The following MYO1H variants were observed in gnomAD, a reference collection of about 807,000 sequenced individuals.
MYO1H encodes myosin IH, also known as unconventional myosin-Ih.
Under a neutral mutation model 149.3 loss-of-function variants are expected in MYO1H, and 118 were observed. The ratio of observed to expected loss-of-function variants is 0.79; its 90% CI spans 0.68 to 0.92. The LOEUF (loss-of-function observed/expected upper bound fraction) is 0.92, where lower values mean the gene tolerates loss of function less well. Ranked by LOEUF, MYO1H falls within the 40% of genes least tolerant of loss-of-function variation. The pLI is 0.00. For synonymous variants in MYO1H, 447 were observed against 465.2 expected (o/e 0.96, Z 0.50); for missense variants, 1,212 against 1,280.7 (o/e 0.95, Z 0.82).
chr12:109,338,496 G>A, the MYO1H span, among the ~76,000 whole-genome samples: 1 of 152,146 alleles, frequency 6.6e-6, no homozygotes, highest in African/African-American at 2.4e-5. Context: ...GGCCAGGCAT[G>A]GTGGCTCACA....
At chr12:109,343,151 C>T (rs1314856874), upstream of MYO1H, among the ~76,000 whole-genome samples, 1 of 152,000 alleles carries the variant, frequency 6.6e-6, no homozygotes, top group African/African-American at 2.4e-5. Flanking sequence ...TGTATAAAGT[C>T]GAAAATATGT....
At chr12:109,366,965 C>G (rs1868878477) in intron 1 of MYO1H, among the ~76,000 whole-genome samples, 1 of 152,190 alleles carries the variant, frequency 6.6e-6, no homozygotes, top group African/African-American at 2.4e-5. Flanking sequence ...ATGTGAGATG[C>G]TCAACCAGCA....
intron 6 of MYO1H, among the ~76,000 whole-genome samples, chr12:109,403,613 T>G (rs1870256532): frequency 6.6e-6 from 1 of 152,114 alleles, no homozygotes; most frequent in Non-Finnish European, 1.5e-5. Context: ...GAGTCAGGAG[T>G]TTCTGATTTT....
chr12:109,397,490 T>C (rs1869965325), intron 4 of MYO1H, among the ~76,000 whole-genome samples: 1 of 152,182 alleles, frequency 6.6e-6, no homozygotes, highest in African/African-American at 2.4e-5. Context: ...ATTTCCAATA[T>C]ATTCCTAATT....
Position 109,418,512 on chromosome 12 carries a change from A to G in MYO1H, c.1598-2469A>G, listed in dbSNP as rs529345824. Reference sequence around the variant, plus strand: ...TTATAGATGTCCGCCACCACGCCCAACTAATTTTTGTATTTTTAGTAGAGA... The same window carrying G: ...TTATAGATGTCCGCCACCACGCCCAGCTAATTTTTGTATTTTTAGTAGAGA... On this transcript the variant is annotated intron_variant, in intron 15 of 31. Coordinates refer to ENST00000310903, the Ensembl canonical transcript of MYO1H. 6.4e-4 allele frequency among the ~76,000 whole-genome samples: 97 copies of G among 150,554 alleles called. 3 individuals carry two copies. Among genetic ancestry groups the G allele is most frequent in the Non-Finnish European group, 1.8e-4 (12 of 67,530 alleles).
chr12:109,318,196 TGGA>T, the MYO1H span, among the ~76,000 whole-genome samples: 39 of 152,344 alleles, frequency 2.6e-4, no homozygotes, highest in East Asian at 5.4e-3. Context: ...AATATTTACA[TGGA>T]GGAGAAGTAA....
intron 19 of MYO1H, among the ~76,000 whole-genome samples, chr12:109,432,502 G>A (rs139668443): frequency 6.6e-6 from 1 of 152,296 alleles, no homozygotes; most frequent in Non-Finnish European, 1.5e-5. Flanking sequence ...CATCTGGGTT[G>A]TTTCCACCTT....
intron 19 of MYO1H, among the ~76,000 whole-genome samples, chr12:109,430,068 T>G (rs1439303655): frequency 6.6e-6 from 1 of 152,234 alleles, no homozygotes; most frequent in Non-Finnish European, 1.5e-5. Context: ...CCCTGCCTCC[T>G]AACACCATCA....
chr12:109,427,407 G>C (rs1871394649), intron 18 of MYO1H, 62 bp from the exon 19 acceptor site: 2 of 1,091,458 alleles, frequency 1.8e-6, no homozygotes, highest in Non-Finnish European at 2.8e-6. Context: ...CCTGTGATCT[G>C]CCTTGGTTGA....
intron 1 of MYO1H, among the ~76,000 whole-genome samples, chr12:109,373,343 T>C (rs191587740): frequency 1.7e-4 from 26 of 152,252 alleles, no homozygotes; most frequent in African/African-American, 6.3e-4. Flanking sequence ...TGTATTTTTA[T>C]AATGTTAAAT....
At chr12:109,378,371 A>T (rs2137022051) in intron 1 of MYO1H, among the ~76,000 whole-genome samples, 1 of 151,300 alleles carries the variant, frequency 6.6e-6, no homozygotes, top group African/African-American at 2.4e-5. Context: ...CCCAGGCTGG[A>T]GTCCAGTGGT....
intron 20 of MYO1H, 128 bp downstream of exon 20, chr12:109,433,138 G>C: frequency 1.3e-6 from 1 of 741,670 alleles, no homozygotes; most frequent in South Asian, 1.6e-5. Context: ...CGAGATTTAT[G>C]CTTCATCTAC....
rs551802410 is a variant in MYO1H at position 109,407,966 on chromosome 12, T to C, written c.1155+53T>C. The C allele has an allele frequency of 9.6e-6, 15 of 1,568,708 alleles. No individual in the cohort carries two copies. The East Asian group carries it at 2.5e-4, about 26-fold the overall frequency. ...CTCTTGCTCACGTGGTGATGTTTTA[T>C]AATCATCGTTTCTTTAAAGAATTTG... On this transcript the variant is annotated intron_variant, in intron 10 of 31. Coordinates refer to ENST00000310903, the Ensembl canonical transcript of MYO1H.
At chr12:109,335,450 A>G in the MYO1H span, among the ~76,000 whole-genome samples, 1 of 152,182 alleles carries the variant, frequency 6.6e-6, no homozygotes, top group South Asian at 2.1e-4. Context: ...CCCCACCCCC[A>G]GCATTGGGGA....
chr12:109,440,542 G>C (rs1872073259), intron 24 of MYO1H: 1 of 549,860 alleles, frequency 1.8e-6, no homozygotes, highest in East Asian at 3.1e-5. Flanking sequence ...ACATATTCAA[G>C]TTTGAGAATC....
chr12:109,335,211 C>T, the MYO1H span, among the ~76,000 whole-genome samples: 1 of 152,028 alleles, frequency 6.6e-6, no homozygotes, highest in Non-Finnish European at 1.5e-5. Context: ...ATGAATAATG[C>T]TGCTGTGAAT....
At chr12:109,361,303 A>G (rs1375822529) in intron 1 of MYO1H, among the ~76,000 whole-genome samples, 1 of 152,134 alleles carries the variant, frequency 6.6e-6, no homozygotes, top group Non-Finnish European at 1.5e-5. Context: ...GCACCCCAGA[A>G]ACCCCTCATA....
chr12:109,446,323 G>GA (rs35541387), intron 31 of MYO1H: 313,160 of 985,082 alleles, frequency 0.32, 50,000 homozygotes, highest in African/African-American at 0.39. Flanking sequence ...CAGTTTTGCT[G>GA]AAAACGACAT....
chr12:109,321,191 T>A, the MYO1H span, among the ~76,000 whole-genome samples: 742 of 152,164 alleles, frequency 4.9e-3, 4 homozygotes, highest in African/African-American at 0.017. Context: ...AATAGACAGG[T>A]GACAGACTCA....
Sources: allele counts gnomAD v4.1 joint callset (sites outside exome capture counted in the v4.1 genomes callset), GRCh38; gene constraint gnomAD v4.1.1; transcripts MANE v1.5; gene names NCBI Gene and HGNC (gene_info 2026-07-23, HGNC 2026-07-21).